Variants in CTNNA2 observed in about 807,000 individuals in gnomAD.
The protein encoded by CTNNA2 is catenin alpha-2.
A neutral mutation model predicts 101.0 loss-of-function variants in CTNNA2; 42 were observed. That is an observed-to-expected ratio of 0.42 (90% CI 0.32 to 0.54). CTNNA2 has a LOEUF of 0.54. Among genes scored for constraint, CTNNA2 ranks in the 20% least tolerant of loss-of-function variants. The pLI, the probability that CTNNA2 is intolerant of heterozygous loss-of-function variation, is 0.14. For synonymous variants in CTNNA2, 450 were observed against 456.4 expected (o/e 0.99, Z 0.18); for missense variants, 871 against 1,223.1 (o/e 0.71, Z 4.29).
chr2:79,257,371 T>G (rs1202384936), intron 2 of CTNNA2, among the ~76,000 whole-genome samples: 1 of 152,056 alleles, frequency 6.6e-6, no homozygotes, highest in African/African-American at 2.4e-5. Flanking sequence ...GTTTGCTTGC[T>G]TGTTGGTTTA....
rs909176693 is a variant in CTNNA2, at chr2:79,466,050, G to A, written c.-134-39004G>A. Among the ~76,000 whole-genome samples the A allele has an allele frequency of 1.6e-4, 24 of 152,194 alleles. 1 individual carries two copies. Among genetic ancestry groups the A allele is most frequent in the African/African-American group, 5.5e-4 (23 of 41,448 alleles). On this transcript the variant is annotated intron_variant, in intron 4 of 21. Transcript: ENST00000466387. ...TCGGACAGTGGGTGCAGGACAGTGG[G>A]TGCAGCCCACTGAGCATTAGCCGAA...
chr2:79,486,831 G>A (rs888116903), intron 4 of CTNNA2, among the ~76,000 whole-genome samples: 1 of 152,102 alleles, frequency 6.6e-6, no homozygotes, highest in Non-Finnish European at 1.5e-5. Flanking sequence ...TGATTATACC[G>A]ACAAGCTGAA....
At chr2:79,966,890 C>A (rs1487651656) in intron 7 of CTNNA2, among the ~76,000 whole-genome samples, 1 of 152,124 alleles carries the variant, frequency 6.6e-6, no homozygotes, top group African/African-American at 2.4e-5. Flanking sequence ...TTTCCCCTAA[C>A]CATACCAGGC....
intron 15 of CTNNA2, among the ~76,000 whole-genome samples, chr2:80,595,964 T>C (rs926837734): frequency 2.0e-5 from 3 of 152,190 alleles, no homozygotes; most frequent in Non-Finnish European, 4.4e-5. Context: ...AGTGTGGCCA[T>C]TGTCACAGTA....
At chr2:79,309,380 T>G (rs942790564) in intron 2 of CTNNA2, among the ~76,000 whole-genome samples, 1 of 152,166 alleles carries the variant, frequency 6.6e-6, no homozygotes, top group Non-Finnish European at 1.5e-5. Context: ...TTGGCTTTAT[T>G]ACAATTCTAG....
At chr2:79,773,823 T>C (rs1418046720) in intron 3 of CTNNA2, among the ~76,000 whole-genome samples, 1 of 152,164 alleles carries the variant, frequency 6.6e-6, no homozygotes, top group African/African-American at 2.4e-5. Flanking sequence ...GATTATCTTT[T>C]GTTTTTTTCT....
intron 7 of CTNNA2, among the ~76,000 whole-genome samples, chr2:80,231,624 C>T (rs1264843075): frequency 6.6e-6 from 1 of 152,112 alleles, no homozygotes; most frequent in African/African-American, 2.4e-5. Context: ...ACACAATTGA[C>T]CAACATTAAC....
chr2:79,473,511 G>GA (rs1247014297), intron 4 of CTNNA2, among the ~76,000 whole-genome samples: 1 of 151,756 alleles, frequency 6.6e-6, no homozygotes, highest in Non-Finnish European at 1.5e-5. Context: ...GCATAGATGG[G>GA]AAAAAATGTA....
intron 9 of CTNNA2, among the ~76,000 whole-genome samples, chr2:80,530,827 C>A (rs1483766953): frequency 2.0e-5 from 3 of 152,212 alleles, no homozygotes; most frequent in Non-Finnish European, 4.4e-5. Flanking sequence ...GATGGGATTG[C>A]TCCCAGGGGA....
At chr2:79,452,464 T>G (rs1450040067) in intron 4 of CTNNA2, among the ~76,000 whole-genome samples, 1 of 151,982 alleles carries the variant, frequency 6.6e-6, no homozygotes, top group Non-Finnish European at 1.5e-5. Flanking sequence ...AATATAACCG[T>G]GGCGCATAAT....
upstream of CTNNA2, among the ~76,000 whole-genome samples, chr2:79,508,554 G>T (rs1671461735): frequency 6.6e-6 from 1 of 152,038 alleles, no homozygotes; most frequent in Non-Finnish European, 1.5e-5. Context: ...AATAAAAGAT[G>T]ATAGAAACAG....
chr2:80,115,210 G>A (rs536822455), intron 7 of CTNNA2, among the ~76,000 whole-genome samples: 61 of 152,170 alleles, frequency 4.0e-4, no homozygotes, highest in Admixed American at 1.2e-3. Flanking sequence ...TTTCCATCAA[G>A]GCCTTCCCTT....
At chr2:80,510,561 C>T (rs562675257) in intron 9 of CTNNA2, among the ~76,000 whole-genome samples, 1 of 152,276 alleles carries the variant, frequency 6.6e-6, no homozygotes, top group Admixed American at 6.5e-5. Flanking sequence ...CAATGGTTTC[C>T]TGGGTCATCT....
chr2:79,920,181 C>T (rs935422274), intron 7 of CTNNA2, among the ~76,000 whole-genome samples: 2 of 152,136 alleles, frequency 1.3e-5, no homozygotes, highest in African/African-American at 4.8e-5. Flanking sequence ...TGTGTCACTG[C>T]ACTCCAACCT....
chr2:80,034,546 G>A (rs1695530284), intron 7 of CTNNA2, among the ~76,000 whole-genome samples: 1 of 151,684 alleles, frequency 6.6e-6, no homozygotes, highest in African/African-American at 2.4e-5. Context: ...TGGAGTTAGG[G>A]TTTCACCATT....
chr2:80,059,145 T>A (rs1166542676), intron 7 of CTNNA2, among the ~76,000 whole-genome samples: 1 of 152,220 alleles, frequency 6.6e-6, no homozygotes, highest in East Asian at 1.9e-4. Context: ...GATACATTCC[T>A]GTTAGCCCAG....
At chr2:79,723,714 C>G (rs1432784150) in intron 2 of CTNNA2, among the ~76,000 whole-genome samples, 1 of 152,148 alleles carries the variant, frequency 6.6e-6, no homozygotes, top group African/African-American at 2.4e-5. Flanking sequence ...TACTTTCTGT[C>G]CAGGAAATGA....
At chr2:80,599,003 A>G (rs539042744) in intron 15 of CTNNA2, among the ~76,000 whole-genome samples, 1 of 152,260 alleles carries the variant, frequency 6.6e-6, no homozygotes, top group African/African-American at 2.4e-5. Flanking sequence ...AATATTCCCT[A>G]TGGATTTTAC....
At chr2:80,485,054 T>G (rs909036152) in intron 9 of CTNNA2, among the ~76,000 whole-genome samples, 1 of 152,120 alleles carries the variant, frequency 6.6e-6, no homozygotes, top group Non-Finnish European at 1.5e-5. Flanking sequence ...TGAATGAATC[T>G]TAAAAATGCT....
Sources: allele counts gnomAD v4.1 joint callset (sites outside exome capture counted in the v4.1 genomes callset), GRCh38; gene constraint gnomAD v4.1.1; transcripts MANE v1.5; gene names NCBI Gene and HGNC (gene_info 2026-07-23, HGNC 2026-07-21).